Variants in C2orf74 observed in about 807,000 individuals in gnomAD.
The protein encoded by C2orf74 is DPM1 ER membrane anchor 1, also known as uncharacterized protein C2orf74.
A neutral mutation model predicts 17.9 loss-of-function variants in C2orf74; 14 were observed. The ratio of observed to expected loss-of-function variants is 0.78; its 90% CI spans 0.52 to 1.22. The LOEUF is 1.22. Ranked by LOEUF, C2orf74 falls within the 50% of genes most tolerant of loss-of-function variation. The probability of loss-of-function intolerance (pLI) is 0.00; values close to 1 mark genes in which losing one functional copy is unlikely to be tolerated. For synonymous variants in C2orf74, 79 were observed against 72.6 expected, an observed-to-expected ratio of 1.09 and a Z score of -0.44; for missense variants, 217 against 218.4, an observed-to-expected ratio of 0.99 and a Z score of 0.04.
chr2:61,154,029 A>T (rs1685320781), intron 1 of C2orf74, among the ~76,000 whole-genome samples: 1 of 152,142 alleles, frequency 6.6e-6, no homozygotes, highest in Admixed American at 6.5e-5. Context: ...ACTTGAGGTC[A>T]GGAGTTCAAG....
intron 1 of C2orf74, among the ~76,000 whole-genome samples, chr2:61,145,441 T>A (rs542529802): frequency 4.2e-4 from 64 of 152,264 alleles, no homozygotes; most frequent in South Asian, 1.7e-3. Context: ...TTATTTATTT[T>A]TTTGAGATGG....
At chr2:61,152,961 GC>G (rs1269617912) in intron 1 of C2orf74, among the ~76,000 whole-genome samples, 1 of 150,420 alleles carries the variant, frequency 6.6e-6, no homozygotes, top group East Asian at 2.0e-4. Context: ...TTTGAGACCA[GC>G]CTCAACATGG....
upstream of C2orf74, chr2:61,161,557 A>G (rs532017300): frequency 1.2e-3 from 178 of 152,354 alleles, no homozygotes; most frequent in Middle Eastern, 0.01. Context: ...GTACTAAACT[A>G]TCTTTGCATT....
chr2:61,145,437 A>AT (rs1573698801), intron 1 of C2orf74, among the ~76,000 whole-genome samples: 1 of 151,976 alleles, frequency 6.6e-6, no homozygotes, highest in African/African-American at 2.4e-5. Context: ...TTATTTATTT[A>AT]TTTTTTTGAG....
intron 1 of C2orf74, among the ~76,000 whole-genome samples, chr2:61,156,373 T>C (rs1685392052): frequency 6.6e-6 from 1 of 150,682 alleles, no homozygotes; most frequent in Non-Finnish European, 1.5e-5. Context: ...CTCTGTCTCT[T>C]TTAAAAAAGA....
chr2:61,159,609 TA>T (rs1685503071), upstream of C2orf74, among the ~76,000 whole-genome samples: 1 of 152,164 alleles, frequency 6.6e-6, no homozygotes, highest in South Asian at 2.1e-4. Context: ...AACTAAGTCT[TA>T]AAAGGATTGA....
At chr2:61,158,836 T>C (rs1006053979), upstream of C2orf74, among the ~76,000 whole-genome samples, 1 of 152,190 alleles carries the variant, frequency 6.6e-6, no homozygotes, top group Admixed American at 6.6e-5. Flanking sequence ...TTTCAAGTTT[T>C]AAGACCAGGG....
intron 1 of C2orf74, among the ~76,000 whole-genome samples, chr2:61,149,574 C>CTTTTTTTT (rs70959895): frequency 2.5e-5 from 2 of 80,020 alleles, no homozygotes; most frequent in African/African-American, 1.1e-4. Context: ...GGGCGCCTTT[C>CTTTTTTTT]TTTTTTTTTT....
chr2:61,148,968 G>A (rs1685146506), intron 1 of C2orf74, among the ~76,000 whole-genome samples: 1 of 152,150 alleles, frequency 6.6e-6, no homozygotes, highest in Non-Finnish European at 1.5e-5. Flanking sequence ...GGAAAACTCT[G>A]TATCTTCTGC....
intron 1 of C2orf74, among the ~76,000 whole-genome samples, chr2:61,146,180 G>A (rs967060371): frequency 2.0e-5 from 3 of 152,148 alleles, no homozygotes; most frequent in Non-Finnish European, 4.4e-5. Context: ...TACACACAAT[G>A]GAACATTATG....
In C2orf74 at chr2:61,164,633, A is replaced by C; in HGVS notation, c.*106A>C. On this transcript the variant is annotated 3_prime_UTR_variant, in exon 5 of 5. Coordinates refer to ENST00000432605, the MANE Select transcript of C2orf74 (RefSeq NM_001143959.4). Reference sequence around the variant, plus strand: ...ACAACAAAACAATGGGGAATTAAGCAAATAAAGATATTATTTTACCTTTGT... The same window carrying C: ...ACAACAAAACAATGGGGAATTAAGCCAATAAAGATATTATTTTACCTTTGT... The C allele has an allele frequency of 1.1e-6, 1 of 927,562 alleles. No homozygotes were observed. 57.5% of individuals were successfully genotyped at this position (927,562 alleles called of 1,614,324 possible).
chr2:61,164,518 G>A lies in C2orf74; in HGVS notation c.555G>A (p.Glu185=), dbSNP rs1193680009. ...GAAGCTATACTCGAGAACATAAAGA[G>A]AGGAAATGAAGCTCAAAAAAGGGTA... ...TPRSYTREHK[E]RK is the part of the protein sequence containing the mutation. The change falls in exon 5 of 5, where the codon GAG becomes GAA. Residue 185 remains glutamate, a synonymous_variant. Coordinates refer to ENST00000432605, the MANE Select transcript of C2orf74 (RefSeq NM_001143959.4). 6.6e-7 allele frequency: 1 copy of A among 1,521,234 alleles called. No homozygotes were observed. The highest frequency in any genetic ancestry group is 8.8e-7 in the Non-Finnish European group (1 of 1,134,806). The allele number at this position is 1,521,234 out of a possible 1,614,324, so 94.2% of individuals were successfully genotyped here.
At chr2:61,160,396 G>A (rs971154161), upstream of C2orf74, among the ~76,000 whole-genome samples, 64 of 152,148 alleles carry the variant, frequency 4.2e-4, no homozygotes, top group Admixed American at 3.3e-4. Flanking sequence ...CCCCTCAGGT[G>A]ATCCACCCGC....
rs776144590 is a variant in C2orf74, at chr2:61,162,607, A to G, written c.93A>G (p.Lys31=). Reference sequence around the variant, plus strand: ...TCTTATTGGTGGTTTTTTTATATAAATGGTATAAATCCATGCTGATAATTG... The same window carrying G: ...TCTTATTGGTGGTTTTTTTATATAAGTGGTATAAATCCATGCTGATAATTG... ...ILLLLVVFLY[K]CFQGRKGKET... is the part of the protein sequence containing the mutation. Residue 31 remains lysine (K), a splice_region_variant and synonymous_variant, in exon 2 of 5, where the codon AAA becomes AAG. Transcript: ENST00000432605. 6.7e-7 allele frequency: 1 copy of G among 1,496,144 alleles called. No individual in the cohort carries two copies. Among genetic ancestry groups the G allele is most frequent in the Non-Finnish European group, 9.1e-7 (1 of 1,096,758 alleles). 92.7% of individuals were successfully genotyped at this position (1,496,144 alleles called of 1,614,324 possible). A position where few individuals can be genotyped will look rare whatever the true frequency, so the allele number is the denominator to read the frequency against.
At chr2:61,163,316 TAGG>T (rs1364263672) in intron 4 of C2orf74, 84 bp downstream of exon 4, 9 of 1,409,310 alleles carry the variant, frequency 6.4e-6, no homozygotes, top group Non-Finnish European at 8.6e-6. Context: ...GGTATAATAA[TAGG>T]AGATGGAGGA....
At chr2:61,151,089 G>A (rs987215230) in intron 1 of C2orf74, among the ~76,000 whole-genome samples, 6 of 151,916 alleles carry the variant, frequency 3.9e-5, no homozygotes, top group Non-Finnish European at 7.4e-5. Flanking sequence ...AGGCCGAGGC[G>A]GGAGGATCAC....
chr2:61,149,451 G>A (rs1399110275), intron 1 of C2orf74, among the ~76,000 whole-genome samples: 1 of 151,994 alleles, frequency 6.6e-6, no homozygotes, highest in East Asian at 1.9e-4. Context: ...AAAACTTTTG[G>A]CCCTTCTCTG....
At chr2:61,162,387 A>G in intron 1 of C2orf74, 29 bp from the exon 2 acceptor site, 1 of 718,966 alleles carries the variant, frequency 1.4e-6, no homozygotes, top group Non-Finnish European at 2.3e-6. Context: ...AACAACAAAG[A>G]AAACAGCTTT....
chr2:61,161,235 C>T (rs1199114706), upstream of C2orf74, among the ~76,000 whole-genome samples: 1 of 152,082 alleles, frequency 6.6e-6, no homozygotes, highest in Non-Finnish European at 1.5e-5. Flanking sequence ...AATCCTTTGC[C>T]TGTTTCAAAA....
Sources: gnomAD v4.1 joint callset for allele counts (sites outside exome capture counted in the v4.1 genomes callset) on GRCh38, gnomAD v4.1.1 for gene constraint, MANE v1.5 for transcripts, NCBI Gene and HGNC (gene_info 2026-07-23, HGNC 2026-07-21) for gene names.